The following MAVS variants were observed in gnomAD, a reference collection of about 807,000 sequenced individuals.
MAVS encodes the protein mitochondrial antiviral-signaling protein.
Under a neutral mutation model 30.2 loss-of-function variants are expected in MAVS, and 20 were observed. The observed-to-expected ratio is 0.66, with a 90% confidence interval of 0.47 to 0.96. The LOEUF (loss-of-function observed/expected upper bound fraction) is 0.96. Ranked by LOEUF, MAVS falls within the 40% of genes least tolerant of loss-of-function variation. The pLI is 0.00. For missense variants in MAVS, 624 were observed against 701.1 expected, an observed-to-expected ratio of 0.89 and a Z score of 1.24; for synonymous variants, 278 against 293.9, an observed-to-expected ratio of 0.95 and a Z score of 0.55.
chr20:3,848,189 TC>T (rs2089724823), intron 1 of MAVS, among the ~76,000 whole-genome samples: 1 of 152,008 alleles, frequency 6.6e-6, no homozygotes. Context: ...AACCTCTGCC[TC>T]CTGGGTCTAG....
chr20:3,858,848 G>A (rs904139903), intron 3 of MAVS, among the ~76,000 whole-genome samples: 2 of 149,466 alleles, frequency 1.3e-5, no homozygotes, highest in African/African-American at 4.9e-5. Flanking sequence ...CACCCAGGCT[G>A]CAGTGCAGTG....
intron 4 of MAVS, 126 bp downstream of exon 4, chr20:3,861,630 C>T (rs777229927): frequency 4.3e-5 from 45 of 1,051,728 alleles, no homozygotes; most frequent in Non-Finnish European, 6.0e-5. Context: ...GCTCAGAACC[C>T]TAGGGCTTCC....
chr20:3,856,677 A>G (rs2089813539), intron 2 of MAVS, among the ~76,000 whole-genome samples: 1 of 151,776 alleles, frequency 6.6e-6, no homozygotes, highest in Non-Finnish European at 1.5e-5. Flanking sequence ...CTCCTGCAGG[A>G]TTCTGTGGGT....
Position 3,864,355 on chromosome 20 carries a change from G to C in MAVS, c.725G>C (p.Gly242Ala). 1 of 1,614,058 alleles carries C rather than the reference G, an allele frequency of 6.2e-7. No homozygotes were observed. The highest frequency in any genetic ancestry group is 8.5e-7 in the Non-Finnish European group (1 of 1,180,008). ...RSTPRASRLP[G>A]PTGSVVSTGT... ...ACCCCCAGGGCAAGCCGCTTGCCTG[G>C]ACCCACAGGGTCAGTTGTATCTACT... The change falls in exon 6 of 7, where the codon GGA becomes GCA. Residue 242 changes from glycine (G) to alanine (A), a missense_variant. By Grantham distance (60) the Gly-to-Ala change is moderately conservative. Coordinates refer to ENST00000428216, the MANE Select transcript of MAVS (RefSeq NM_020746.5).
At chr20:3,859,282 C>A (rs1367305110) in intron 3 of MAVS, among the ~76,000 whole-genome samples, 2 of 151,634 alleles carry the variant, frequency 1.3e-5, no homozygotes, top group African/African-American at 4.8e-5. Flanking sequence ...CCGAGGCGGG[C>A]GGATCACAAG....
chr20:3,856,232 T>C (rs2089809080), intron 2 of MAVS, among the ~76,000 whole-genome samples: 2 of 152,018 alleles, frequency 1.3e-5, no homozygotes, highest in South Asian at 4.1e-4. Flanking sequence ...TTTTTTGTAT[T>C]TTTAATAGAG....
chr20:3,854,822 C>A, intron 2 of MAVS, 81 bp downstream of exon 2: 1 of 944,546 alleles, frequency 1.1e-6, no homozygotes, highest in South Asian at 1.5e-5. Context: ...CCTAGTTCCT[C>A]ACCCAAGCCT....
chr20:3,862,932 G>T (rs992630425), intron 5 of MAVS, among the ~76,000 whole-genome samples: 1 of 152,206 alleles, frequency 6.6e-6, no homozygotes. Flanking sequence ...TAGATTCAAG[G>T]AGTAGGGAAA....
Position 3,865,415 on chromosome 20 carries a change from C to T in MAVS, c.1159-268C>T, listed in dbSNP as rs1251524025. 1.3e-5 allele frequency among the ~76,000 whole-genome samples: 2 copies of T among 152,174 alleles called. No individual in the cohort carries two copies. The highest frequency in any genetic ancestry group is 6.5e-5 in the Admixed American group (1 of 15,272). ...AGGATGTCAGTGCAGGATGGAGCCCCGCCCTACCAAAGGCTTCCAGGTGGG... is the reference window on the plus strand; with the variant it reads ...AGGATGTCAGTGCAGGATGGAGCCCTGCCCTACCAAAGGCTTCCAGGTGGG... On this transcript the variant is annotated intron_variant, in intron 6 of 6. Coordinates refer to ENST00000428216, the MANE Select transcript of MAVS (RefSeq NM_020746.5). The surrounding 1 kb of genome is among the most constrained non-coding windows in gnomAD (Gnocchi z 4.7).
At position 3,864,258 on chromosome 20, in the gene MAVS, G is replaced by A; in HGVS notation, c.628G>A (p.Ala210Thr). 2.5e-6 allele frequency: 4 copies of A among 1,600,522 alleles called. No homozygotes were observed. Among genetic ancestry groups the A allele is most frequent in the Non-Finnish European group, 3.4e-6 (4 of 1,172,776 alleles). ...TELGSTHTAG[A>T]TSSLTPSRGP... The stretch of plus-strand genomic sequence containing the variant: ...CACTTGTGTTTTTCCACCGGCAGGT[G>A]CGACCTCCAGCCTCACACCATCCCG... Residue 210 changes from alanine (A) to threonine (T), a missense_variant and splice_region_variant, in exon 6 of 7, where the codon GCG becomes ACG. Transcript: ENST00000428216.
intron 1 of MAVS, among the ~76,000 whole-genome samples, chr20:3,848,664 G>C (rs1478366715): frequency 6.6e-6 from 1 of 152,172 alleles, no homozygotes. Flanking sequence ...TCCTGAGAGA[G>C]GTCTCATGCC....
intron 2 of MAVS, among the ~76,000 whole-genome samples, chr20:3,856,746 C>T (rs556739521): frequency 1.6e-4 from 24 of 152,016 alleles, no homozygotes; most frequent in African/African-American, 3.4e-4. Flanking sequence ...GACATAAAAA[C>T]TCTAGGGCTG....
intron 3 of MAVS, among the ~76,000 whole-genome samples, chr20:3,859,278 C>T (rs973403641): frequency 6.6e-5 from 10 of 151,978 alleles, no homozygotes; most frequent in South Asian, 2.1e-4. Context: ...GAGGCCGAGG[C>T]GGGCGGATCA....
rs367984458 is a variant in MAVS, at chr20:3,856,718, T to C, written c.118-917T>C. ...TTTCTGCTGTCTGGTTGCTTGTTTTTATGTGAGAATTCAGGTAGACATAAA... is the reference window on the plus strand; with the variant it reads ...TTTCTGCTGTCTGGTTGCTTGTTTTCATGTGAGAATTCAGGTAGACATAAA... On this transcript the variant is annotated intron_variant, in intron 2 of 6. Coordinates refer to ENST00000428216, the MANE Select transcript of MAVS (RefSeq NM_020746.5). 2.0e-4 allele frequency among the ~76,000 whole-genome samples: 31 copies of C among 152,200 alleles called. 1 individual carries two copies. The East Asian group carries it at 4.3e-3, about 21-fold the overall frequency.
chr20:3,871,028 C>G lies in MAVS; in HGVS notation c.*4881C>G, dbSNP rs1417664625. 6.6e-6 allele frequency: 1 copy of G among 152,554 alleles called. No individual in the cohort carries two copies. Among genetic ancestry groups the G allele is most frequent in the Non-Finnish European group, 1.5e-5 (1 of 68,104 alleles). The allele number at this position is 152,554 out of a possible 1,614,324, so 9.5% of individuals were successfully genotyped here. ...CTCAAGTAGCTGGGATTACAGATGCCCGCCACCACACCTGGCTAATTTTCG... is the reference window on the plus strand; with the variant it reads ...CTCAAGTAGCTGGGATTACAGATGCGCGCCACCACACCTGGCTAATTTTCG... On this transcript the variant is annotated 3_prime_UTR_variant, in exon 7 of 7. Coordinates refer to ENST00000428216, the MANE Select transcript of MAVS (RefSeq NM_020746.5).
chr20:3,855,091 A>G (rs1160872302), intron 2 of MAVS, among the ~76,000 whole-genome samples: 1 of 151,786 alleles, frequency 6.6e-6, no homozygotes, highest in Non-Finnish European at 1.5e-5. Flanking sequence ...GGGTTTCACC[A>G]TGTTGGCCAG....
rs764110636 is a variant in MAVS, at chr20:3,857,651, C to T, written c.134C>T (p.Thr45Ile). ...GTCTTCCAGGATCGACTGCGGGCCA[C>T]CTGCACACTCTCAGGGAACCGGGAC... ...TARDQDRLRA[T>I]CTLSGNRDTL... The change falls in exon 3 of 7, where the codon ACC becomes ATC. Residue 45 changes from threonine (T) to isoleucine (I), a missense_variant. Transcript: ENST00000428216. 5 of 1,613,192 alleles carry T rather than the reference C, an allele frequency of 3.1e-6. No individual in the cohort carries two copies. Among genetic ancestry groups the T allele is most frequent in the African/African-American group, 2.7e-5 (2 of 74,930 alleles).
intron 1 of MAVS, among the ~76,000 whole-genome samples, chr20:3,851,869 C>A (rs1031042926): frequency 6.6e-6 from 1 of 151,500 alleles, no homozygotes; most frequent in Non-Finnish European, 1.5e-5. Context: ...GCAGAAGAAT[C>A]ACTTGAACCC....
Position 3,873,859 on chromosome 20 carries a change from A to G in MAVS, c.*7712A>G, listed in dbSNP as rs1047576848. 5.5e-6 allele frequency: 2 copies of G among 363,390 alleles called. No individual in the cohort carries two copies. Among genetic ancestry groups the G allele is most frequent in the Non-Finnish European group, 9.8e-6 (2 of 204,412 alleles). 22.5% of individuals were successfully genotyped at this position (363,390 alleles called of 1,614,324 possible). The stretch of plus-strand genomic sequence containing the variant: ...GTGACCCTGTTGGAAAACTGGCAGT[A>G]TCTACCAAAAGCCGAACATACGTAT... On this transcript the variant is annotated 3_prime_UTR_variant, in exon 7 of 7. Transcript: ENST00000428216.
Sources: gnomAD v4.1 joint callset for allele counts (sites outside exome capture counted in the v4.1 genomes callset) on GRCh38, gnomAD v4.1.1 for gene constraint, Gnocchi (gnomAD v3.1) non-coding constraint, MANE v1.5 for transcripts, NCBI Gene and HGNC (gene_info 2026-07-23, HGNC 2026-07-21) for gene names.